Variants in TLCD4 observed in about 807,000 individuals in gnomAD.
The protein encoded by TLCD4 is TLC domain containing 4.
A neutral mutation model predicts 24.2 loss-of-function variants in TLCD4; 7 were observed. The observed-to-expected ratio is 0.29, with a 90% CI of 0.16 to 0.54. TLCD4 has a LOEUF of 0.54. Among genes scored for constraint, TLCD4 ranks in the 20% least tolerant of loss-of-function variants. The pLI is 0.95. For synonymous variants in TLCD4, 103 were observed against 106.4 expected (o/e 0.97, Z 0.20); for missense variants, 259 against 313.9 (o/e 0.82, Z 1.32).
At chr1:95,133,947 A>T (rs1235367197) in intron 1 of TLCD4, among the ~76,000 whole-genome samples, 1 of 151,576 alleles carries the variant, frequency 6.6e-6, no homozygotes, top group South Asian at 2.1e-4. Context: ...GGACTTTGGG[A>T]TGTAAGCTGA....
At chr1:95,143,861 A>G (rs76479697) in intron 1 of TLCD4, 30 bp from the exon 2 acceptor site, 1 of 1,335,792 alleles carries the variant, frequency 7.5e-7, no homozygotes, top group Admixed American at 3.0e-5. Context: ...TTATGAGACA[A>G]CAATTTATAG....
intron 5 of TLCD4, chr1:95,163,996 T>G (rs977748561): frequency 6.6e-6 from 1 of 152,278 alleles, no homozygotes; most frequent in African/African-American, 2.4e-5. Flanking sequence ...GATCTCAAAC[T>G]GTGCTGGGAG....
chr1:95,160,705 C>A (rs192440332), intron 5 of TLCD4, among the ~76,000 whole-genome samples: 337 of 152,200 alleles, frequency 2.2e-3, no homozygotes, highest in Admixed American at 4.7e-3. Context: ...GAGAGTTTTT[C>A]GCATGAAGGC....
chr1:95,182,812 T>C (rs1372592037), intron 6 of TLCD4, among the ~76,000 whole-genome samples: 1 of 152,164 alleles, frequency 6.6e-6, no homozygotes, highest in Non-Finnish European at 1.5e-5. Context: ...TGGCATACAC[T>C]CTTAAAATGT....
chr1:95,140,042 C>T (rs1677156018), intron 1 of TLCD4, among the ~76,000 whole-genome samples: 1 of 152,098 alleles, frequency 6.6e-6, no homozygotes, highest in South Asian at 2.1e-4. Flanking sequence ...GAGAACAATG[C>T]CTCCTTCTGG....
chr1:95,192,042 A>G lies in TLCD4; in HGVS notation c.*174A>G. 5.7e-6 allele frequency: 8 copies of G among 1,406,474 alleles called. No individual in the cohort carries two copies. Among genetic ancestry groups the G allele is most frequent in the Non-Finnish European group, 7.4e-6 (8 of 1,084,924 alleles). The allele number at this position is 1,406,474 out of a possible 1,614,324, so 87.1% of individuals were successfully genotyped here. A position where few individuals can be genotyped will look rare whatever the true frequency, so the allele number is the denominator to read the frequency against. On this transcript the variant is annotated 3_prime_UTR_variant, in exon 7 of 7. Transcript: ENST00000370203. ...CCGGGCACGGTGGCTCATGCCTGTA[A>G]TCCCAGCACTTTGGGAGGCCAAGGT...
rs1571801247 is a variant in TLCD4 at position 95,196,571 on chromosome 1, T to C, written c.*4703T>C. 1 of 152,194 alleles carries C rather than the reference T, an allele frequency of 6.6e-6. No individual in the cohort carries two copies. Among genetic ancestry groups the C allele is most frequent in the Admixed American group, 6.5e-5 (1 of 15,278 alleles). The allele number at this position is 152,194 out of a possible 1,614,324, so 9.4% of individuals were successfully genotyped here. A position where few individuals can be genotyped will look rare whatever the true frequency, so the allele number is the denominator to read the frequency against. ...AAGAATTGAAAGCAGCTCCTAAAGA[T>C]TGGTTTGTTTGCTTTGAAAATGTTT... On this transcript the variant is annotated 3_prime_UTR_variant, in exon 7 of 7. Transcript: ENST00000370203.
At chr1:95,177,034 C>G (rs1395006413) in intron 6 of TLCD4, among the ~76,000 whole-genome samples, 1 of 152,162 alleles carries the variant, frequency 6.6e-6, no homozygotes, top group Non-Finnish European at 1.5e-5. Flanking sequence ...CACAGTGTTA[C>G]CAGAATCATC....
At chr1:95,141,921 T>A (rs1030002738) in intron 1 of TLCD4, among the ~76,000 whole-genome samples, 14 of 151,962 alleles carry the variant, frequency 9.2e-5, no homozygotes, top group Non-Finnish European at 1.6e-4. Context: ...ATATCCTGGT[T>A]GGAAGGGAAT....
At position 95,129,165 on chromosome 1, in the gene TLCD4, A is replaced by G. The variant is rs145288098; in HGVS notation, c.-12+11548A>G. On this transcript the variant is annotated intron_variant, in intron 1 of 6. Transcript: ENST00000370203. ...AAGCTTAAATATTTTGTTCTTTGTT[A>G]TAATCAAAACAATCTGTAATCCAAA... Among the ~76,000 whole-genome samples, 980 of 152,350 alleles carry G rather than the reference A, an allele frequency of 6.4e-3. 38 individuals carry two copies. Among genetic ancestry groups the G allele is most frequent in the Admixed American group, 0.055 (844 of 15,306 alleles).
chr1:95,163,661 A>T (rs1182385166), intron 5 of TLCD4: 1 of 152,124 alleles, frequency 6.6e-6, no homozygotes, highest in East Asian at 1.9e-4. Context: ...GTCTTTGATG[A>T]TGGTGACATA....
rs1464463254 is a variant in TLCD4, at chr1:95,194,736, A to C, written c.*2868A>C. 4 of 152,154 alleles carry C rather than the reference A, an allele frequency of 2.6e-5. No individual in the cohort carries two copies. The highest frequency in any genetic ancestry group is 9.6e-5 in the African/African-American group (4 of 41,454). 9.4% of individuals were successfully genotyped at this position (152,154 alleles called of 1,614,324 possible). A position where few individuals can be genotyped will look rare whatever the true frequency, so the allele number is the denominator to read the frequency against. On this transcript the variant is annotated 3_prime_UTR_variant, in exon 7 of 7. Transcript: ENST00000370203. ...TGAAAACCAACTAATAGCATGCAAG[A>C]TCATAGATCCTGCATTAAATTTTTA...
the TLCD4 span, among the ~76,000 whole-genome samples, chr1:95,110,202 C>A: frequency 1.3e-5 from 2 of 150,464 alleles, no homozygotes; most frequent in African/African-American, 4.9e-5. Flanking sequence ...CTTTTTTTGT[C>A]AATAATTATA....
the TLCD4 span, among the ~76,000 whole-genome samples, chr1:95,095,900 T>A: frequency 6.6e-6 from 1 of 152,128 alleles, no homozygotes; most frequent in African/African-American, 2.4e-5. Context: ...AATTACAACA[T>A]ATAAAGTACA....
chr1:95,144,084 A>T (rs1164638803), intron 2 of TLCD4, 28 bp downstream of exon 2: 1 of 1,377,896 alleles, frequency 7.3e-7, no homozygotes, highest in Admixed American at 2.9e-5. Flanking sequence ...GTAATTGATG[A>T]CAAGAAACTA....
At chr1:95,136,118 T>A (rs900899164) in intron 1 of TLCD4, among the ~76,000 whole-genome samples, 5 of 152,134 alleles carry the variant, frequency 3.3e-5, no homozygotes, top group African/African-American at 1.2e-4. Context: ...TATGACATGA[T>A]AAGATTACCA....
chr1:95,104,708 A>G, the TLCD4 span, among the ~76,000 whole-genome samples: 2 of 148,426 alleles, frequency 1.3e-5, no homozygotes, highest in African/African-American at 4.9e-5. Context: ...TCTACTGAAC[A>G]TCATAGCTTA....
intron 6 of TLCD4, among the ~76,000 whole-genome samples, chr1:95,188,760 A>G (rs928569526): frequency 6.6e-6 from 1 of 152,166 alleles, no homozygotes; most frequent in Non-Finnish European, 1.5e-5. Context: ...CTGGCCCTAA[A>G]TGATACTCTA....
At chr1:95,108,316 C>T in the TLCD4 span, among the ~76,000 whole-genome samples, 14 of 152,236 alleles carry the variant, frequency 9.2e-5, no homozygotes, top group East Asian at 2.7e-3. Context: ...ACAGTTAGGC[C>T]TTCCCATTCC....
Sources: gnomAD v4.1 joint callset for allele counts (sites outside exome capture counted in the v4.1 genomes callset) on GRCh38, gnomAD v4.1.1 for gene constraint, MANE v1.5 for transcripts, NCBI Gene and HGNC (gene_info 2026-07-23, HGNC 2026-07-21) for gene names.